Variants in NME7 observed in about 807,000 individuals in gnomAD.
The protein encoded by NME7 is NME/NM23 family member 7.
NME7 carries 41 observed loss-of-function variants against 49.1 expected under a neutral mutation model. That is an observed-to-expected ratio of 0.83 (90% CI 0.65 to 1.08). The LOEUF is 1.08. Among genes scored for constraint, NME7 ranks in the 50% least tolerant of loss-of-function variants. The pLI is 0.00. For synonymous variants in NME7, 139 were observed against 150.6 expected (o/e 0.92, Z 0.56); for missense variants, 423 against 463.4 (o/e 0.91, Z 0.80).
At chr1:169,168,866 T>C in intron 11 of NME7, 1 of 456,530 alleles carries the variant, frequency 2.2e-6, no homozygotes, top group Non-Finnish European at 4.4e-6. Context: ...CCAAGAGTTT[T>C]TTCAAATTGT....
chr1:169,252,148 A>T (rs1250818333), intron 7 of NME7, among the ~76,000 whole-genome samples: 1 of 150,462 alleles, frequency 6.6e-6, no homozygotes. Context: ...TGACTTCCAC[A>T]ATGGTTGAAC....
rs1352010997 is a variant in NME7, at chr1:169,272,731, T to C, written c.754+14572A>G. Among the ~76,000 whole-genome samples the C allele has an allele frequency of 7.5e-5, 10 of 133,196 alleles. 1 individual carries two copies. In the South Asian group the frequency reaches 1.9e-3, roughly 25 times the overall value. The allele number at this position is 133,196 out of a possible 152,430, so 87.4% of individuals were successfully genotyped here. On this transcript the variant is annotated intron_variant, in intron 7 of 11. Coordinates refer to ENST00000367811, the MANE Select transcript of NME7 (RefSeq NM_013330.5). Reference sequence around the variant, plus strand: ...TTGGGTTGATTCCATGTCTTTGCTATTGTGAACCGTGCTGCAATGAACATA... The same window carrying C: ...TTGGGTTGATTCCATGTCTTTGCTACTGTGAACCGTGCTGCAATGAACATA...
intron 7 of NME7, among the ~76,000 whole-genome samples, chr1:169,239,726 AT>A (rs1298182699): frequency 9.2e-5 from 14 of 152,192 alleles, no homozygotes; most frequent in South Asian, 6.2e-4. Flanking sequence ...GCCAAGAGGC[AT>A]TTGGAGACAG....
intron 11 of NME7, among the ~76,000 whole-genome samples, chr1:169,153,460 G>C (rs1341948623): frequency 6.6e-6 from 1 of 151,934 alleles, no homozygotes; most frequent in Non-Finnish European, 1.5e-5. Flanking sequence ...TTCTTTTTCT[G>C]TGTGTATAAA....
Position 169,267,315 on chromosome 1 carries a change from A to C in NME7, c.754+19988T>G, listed in dbSNP as rs1205559226. On this transcript the variant is annotated intron_variant, in intron 7 of 11. Transcript: ENST00000367811. ...CATTCCATGCTCTTAGATGGGAAGA[A>C]TCAATATCATTAAAATGGTCATACT... Among the ~76,000 whole-genome samples the C allele has an allele frequency of 1.5e-5, 2 of 133,946 alleles. 1 individual carries two copies. The highest frequency in any genetic ancestry group is 1.5e-4 in the Admixed American group (2 of 13,608). 87.9% of individuals were successfully genotyped at this position (133,946 alleles called of 152,430 possible).
intron 10 of NME7, among the ~76,000 whole-genome samples, chr1:169,184,642 G>T (rs114838963): frequency 5.5e-4 from 83 of 152,164 alleles, no homozygotes; most frequent in African/African-American, 1.9e-3. Flanking sequence ...TTGTTAATCT[G>T]TCCCTCTACA....
chr1:169,152,964 AT>A (rs59637629), intron 11 of NME7, among the ~76,000 whole-genome samples: 2,603 of 150,354 alleles, frequency 0.017, 70 homozygotes, highest in African/African-American at 0.057. Context: ...CATCATGGTG[AT>A]TTTTTTTTTC....
At chr1:169,216,501 T>C (rs1182774999) in intron 10 of NME7, among the ~76,000 whole-genome samples, 1 of 152,246 alleles carries the variant, frequency 6.6e-6, no homozygotes, top group Non-Finnish European at 1.5e-5. Flanking sequence ...TACATTTCCT[T>C]TGCATCTTTA....
chr1:169,277,194 C>G (rs1649771507), intron 7 of NME7, among the ~76,000 whole-genome samples: 1 of 149,218 alleles, frequency 6.7e-6, no homozygotes, highest in Non-Finnish European at 1.5e-5. Flanking sequence ...CTGTAGATGT[C>G]TATTAGGTCC....
At chr1:169,186,209 G>T (rs1660060771) in intron 10 of NME7, among the ~76,000 whole-genome samples, 1 of 152,042 alleles carries the variant, frequency 6.6e-6, no homozygotes, top group East Asian at 1.9e-4. Flanking sequence ...TTCTCTAATT[G>T]TTGCTTTTAA....
chr1:169,147,958 G>T (rs1379351854), intron 11 of NME7, among the ~76,000 whole-genome samples: 1 of 151,940 alleles, frequency 6.6e-6, no homozygotes, highest in African/African-American at 2.4e-5. Flanking sequence ...TTTCTTGAAA[G>T]AAATAATTTC....
intron 10 of NME7, among the ~76,000 whole-genome samples, chr1:169,190,117 C>G (rs1355905782): frequency 1.3e-5 from 2 of 152,014 alleles, no homozygotes; most frequent in Non-Finnish European, 2.9e-5. Context: ...AATTTTACCT[C>G]TAGAAATTAG....
chr1:169,269,607 A>C lies in NME7; in HGVS notation c.754+17696T>G, dbSNP rs913772095. On this transcript the variant is annotated intron_variant, in intron 7 of 11. Coordinates refer to ENST00000367811, the MANE Select transcript of NME7 (RefSeq NM_013330.5). ...TACCAGGGCTCTTGGCTTACACAGC[A>C]CCAAAGCTACCATTACAGTGGATAG... Among the ~76,000 whole-genome samples the C allele has an allele frequency of 3.0e-5, 4 of 133,220 alleles. 1 individual carries two copies. Among genetic ancestry groups the C allele is most frequent in the Non-Finnish European group, 7.1e-5 (4 of 56,716 alleles). 87.4% of individuals were successfully genotyped at this position (133,220 alleles called of 152,430 possible). A position where few individuals can be genotyped will look rare whatever the true frequency, so the allele number is the denominator to read the frequency against.
At chr1:169,345,644 C>G (rs1246077218) in intron 1 of NME7, among the ~76,000 whole-genome samples, 1 of 152,176 alleles carries the variant, frequency 6.6e-6, no homozygotes, top group African/African-American at 2.4e-5. Context: ...TCAGCATACT[C>G]TACAACTTGG....
At chr1:169,308,282 G>C (rs1326919873) in intron 4 of NME7, among the ~76,000 whole-genome samples, 2 of 152,176 alleles carry the variant, frequency 1.3e-5, no homozygotes, top group African/African-American at 2.4e-5. Flanking sequence ...TATTGAAGCT[G>C]ACTTGAATGT....
chr1:169,337,266 C>T (rs879706073), intron 1 of NME7, among the ~76,000 whole-genome samples: 27 of 152,192 alleles, frequency 1.8e-4, no homozygotes, highest in Admixed American at 3.9e-4. Flanking sequence ...AGCGCAGCGC[C>T]GGTGGGCTGG....
chr1:169,202,316 C>A (rs1320360923), intron 10 of NME7, among the ~76,000 whole-genome samples: 1 of 152,120 alleles, frequency 6.6e-6, no homozygotes. Flanking sequence ...CAAAGGCGAT[C>A]TGGTGGTTTA....
At chr1:169,145,996 T>C (rs563602252) in intron 11 of NME7, among the ~76,000 whole-genome samples, 1 of 151,954 alleles carries the variant, frequency 6.6e-6, no homozygotes, top group South Asian at 2.1e-4. Context: ...ATATATTGTG[T>C]GATGGTGAGG....
chr1:169,235,231 T>A, intron 8 of NME7, 32 bp from the exon 9 acceptor site: 1 of 1,210,264 alleles, frequency 8.3e-7, no homozygotes, highest in Non-Finnish European at 1.2e-6. Context: ...AACAAAACCA[T>A]AAACCAACCA....
Sources: gnomAD v4.1 joint callset for allele counts (sites outside exome capture counted in the v4.1 genomes callset) on GRCh38, gnomAD v4.1.1 for gene constraint, MANE v1.5 for transcripts, NCBI Gene and HGNC (gene_info 2026-07-23, HGNC 2026-07-21) for gene names.